The following RNF144B variants were observed in gnomAD, a reference collection of about 807,000 sequenced individuals.
RNF144B encodes E3 ubiquitin-protein ligase RNF144B.
RNF144B carries 25 observed loss-of-function variants against 40.2 expected under a neutral mutation model. That is an observed-to-expected ratio of 0.62 (90% CI 0.45 to 0.87). The LOEUF is 0.87. Ranked by LOEUF, RNF144B falls within the 40% of genes least tolerant of loss-of-function variation. The pLI is 0.00. For missense variants in RNF144B, 365 were observed against 373.7 expected (o/e 0.98, Z 0.19); for synonymous variants, 145 against 136.3 (o/e 1.06, Z -0.44).
At chr6:18,437,004 G>A (rs931527474) in intron 3 of RNF144B, among the ~76,000 whole-genome samples, 1 of 150,804 alleles carries the variant, frequency 6.6e-6, no homozygotes, top group Non-Finnish European at 1.5e-5. Context: ...AACATCAAGG[G>A]GTAGATCTTT....
intron 2 of RNF144B, among the ~76,000 whole-genome samples, chr6:18,409,221 T>TA (rs1270087653): frequency 6.6e-6 from 1 of 151,408 alleles, no homozygotes; most frequent in East Asian, 2.0e-4. Context: ...TTACTGAAAA[T>TA]ACAAAAATTT....
chr6:18,408,582 C>T (rs1325052191), intron 2 of RNF144B, among the ~76,000 whole-genome samples: 1 of 152,122 alleles, frequency 6.6e-6, no homozygotes, highest in Non-Finnish European at 1.5e-5. Flanking sequence ...CCTCCATTTC[C>T]CAGGGACTGG....
chr6:18,408,938 GTTTTTTT>G (rs3078245), intron 2 of RNF144B, among the ~76,000 whole-genome samples: 67 of 143,982 alleles, frequency 4.7e-4, no homozygotes, highest in East Asian at 1.4e-3. Context: ...CCAGAAAAGT[GTTTTTTT>G]TTTTTTTTTT....
chr6:18,409,927 C>T (rs1209908501), intron 2 of RNF144B, among the ~76,000 whole-genome samples: 2 of 152,044 alleles, frequency 1.3e-5, no homozygotes, highest in East Asian at 1.9e-4. Context: ...GCTTGGTATT[C>T]GGGTAAGGGG....
At chr6:18,449,823 A>T (rs1204941022) in intron 4 of RNF144B, among the ~76,000 whole-genome samples, 1 of 152,168 alleles carries the variant, frequency 6.6e-6, no homozygotes, top group African/African-American at 2.4e-5. Flanking sequence ...CAAGAATGTA[A>T]TATATTAAGT....
At chr6:18,403,261 A>G (rs1794828543) in intron 2 of RNF144B, among the ~76,000 whole-genome samples, 1 of 152,228 alleles carries the variant, frequency 6.6e-6, no homozygotes, top group South Asian at 2.1e-4. Context: ...GAAATTTGTG[A>G]GTTTGCTCCC....
At position 18,456,671 on chromosome 6, in the gene RNF144B, G is replaced by A. The variant is rs745917148; in HGVS notation, c.332-484G>A. 2.0e-5 allele frequency among the ~76,000 whole-genome samples: 3 copies of A among 152,308 alleles called. No homozygotes were observed. The highest frequency in any genetic ancestry group is 1.9e-4 in the East Asian group (1 of 5,182). ...TTTGAGAAATGTGGCAGGGCTTAGC[G>A]ACCTTGTAAATGATAGGTTTGGATC... On this transcript the variant is annotated intron_variant, in intron 4 of 7. Transcript: ENST00000259939. The surrounding 1 kb of genome is among the most constrained non-coding windows in gnomAD (Gnocchi z 4.7).
At chr6:18,387,883 A>G (rs947279684) in intron 1 of RNF144B, among the ~76,000 whole-genome samples, 1 of 152,320 alleles carries the variant, frequency 6.6e-6, no homozygotes, top group Non-Finnish European at 1.5e-5. Flanking sequence ...AATGTATTGT[A>G]GAATCCGAGA....
Position 18,443,918 on chromosome 6 carries a change from C to T in RNF144B, c.331+4174C>T, listed in dbSNP as rs1759020023. On this transcript the variant is annotated intron_variant, in intron 4 of 7. Coordinates refer to ENST00000259939, the MANE Select transcript of RNF144B (RefSeq NM_182757.4). The surrounding 1 kb of genome is among the most constrained non-coding windows in gnomAD (Gnocchi z 4.7). Reference sequence around the variant, plus strand: ...AATGACTAACCAACTGAAAGAAAATCTCATTGGCTGGACTGTGAGACAGAA... The same window carrying T: ...AATGACTAACCAACTGAAAGAAAATTTCATTGGCTGGACTGTGAGACAGAA... Among the ~76,000 whole-genome samples, 1 of 152,156 alleles carries T rather than the reference C, an allele frequency of 6.6e-6. No individual in the cohort carries two copies.
At chr6:18,451,397 T>G (rs1205029233) in intron 4 of RNF144B, among the ~76,000 whole-genome samples, 2 of 152,224 alleles carry the variant, frequency 1.3e-5, no homozygotes, top group African/African-American at 2.4e-5. Context: ...CCAAATTTAA[T>G]TGAAGTCGAG....
At position 18,418,850 on chromosome 6, in the gene RNF144B, A is replaced by G. The variant is rs1326682923; in HGVS notation, c.166-8731A>G. ...ATATATAATATACACTGACACCTGG[A>G]TCCTTCTCTTAGAGAGTCTGAATTA... On this transcript the variant is annotated intron_variant, in intron 2 of 7. Coordinates refer to ENST00000259939, the MANE Select transcript of RNF144B (RefSeq NM_182757.4). The surrounding 1 kb of genome is among the most constrained non-coding windows in gnomAD (Gnocchi z 5.2). Among the ~76,000 whole-genome samples the G allele has an allele frequency of 6.6e-6, 1 of 152,002 alleles. No homozygotes were observed. The highest frequency in any genetic ancestry group is 1.5e-5 in the Non-Finnish European group (1 of 68,002).
rs1759541645 is a variant in RNF144B, at chr6:18,464,809, C to T, written c.772-118C>T. The stretch of plus-strand genomic sequence containing the variant: ...TCACATCGGGGATTTAGGGTTTCAA[C>T]ATATGAGCTTCAGGGGGACACAAAC... On this transcript the variant is annotated intron_variant, in intron 7 of 7. Coordinates refer to ENST00000259939, the MANE Select transcript of RNF144B (RefSeq NM_182757.4). This position sits in a 1 kb window ranked among gnomAD's most constrained non-coding sequence, Gnocchi z 6.1. The T allele has an allele frequency of 2.0e-6, 2 of 976,354 alleles. No individual in the cohort carries two copies. Among genetic ancestry groups the T allele is most frequent in the African/African-American group, 1.6e-5 (1 of 61,672 alleles). The allele number at this position is 976,354 out of a possible 1,614,324, so 60.5% of individuals were successfully genotyped here.
In RNF144B at chr6:18,452,977, G is replaced by C. The variant is rs1457028790; in HGVS notation, c.332-4178G>C. Among the ~76,000 whole-genome samples the C allele has an allele frequency of 3.3e-5, 5 of 151,980 alleles. No homozygotes were observed. The East Asian group carries it at 9.7e-4, about 29-fold the overall frequency. On this transcript the variant is annotated intron_variant, in intron 4 of 7. Transcript: ENST00000259939. ...TTTTTTGTTGTTGTTGTGGAGATGA[G>C]ATTTCACCACTGTTGGCCAGGCTGG...
chr6:18,407,752 G>A (rs559267268), intron 2 of RNF144B, among the ~76,000 whole-genome samples: 3 of 151,932 alleles, frequency 2.0e-5, no homozygotes, highest in Non-Finnish European at 4.4e-5. Context: ...TTTGAATGAA[G>A]GTTATCTTTT....
intron 4 of RNF144B, among the ~76,000 whole-genome samples, chr6:18,451,944 C>A (rs997177065): frequency 1.3e-5 from 2 of 152,094 alleles, no homozygotes; most frequent in African/African-American, 4.8e-5. Context: ...CGATGACTTT[C>A]GAAATTTGAG....
intron 4 of RNF144B, among the ~76,000 whole-genome samples, chr6:18,451,142 A>G (rs1246490643): frequency 6.6e-6 from 1 of 152,086 alleles, no homozygotes; most frequent in Non-Finnish European, 1.5e-5. Flanking sequence ...ACTGTCATTT[A>G]TTTGCATTGC....
rs1323459851 is a variant in RNF144B, at chr6:18,416,640, A to C, written c.166-10941A>C. ...CTTTTCCAGAAAATGTAACGGCACT[A>C]TTTTGGGCTAAAGTATTTAAAGGCT... On this transcript the variant is annotated intron_variant, in intron 2 of 7. Transcript: ENST00000259939. The surrounding 1 kb of genome is among the most constrained non-coding windows in gnomAD (Gnocchi z 5.5). Among the ~76,000 whole-genome samples the C allele has an allele frequency of 6.6e-6, 1 of 152,190 alleles. No individual in the cohort carries two copies. Among genetic ancestry groups the C allele is most frequent in the Non-Finnish European group, 1.5e-5 (1 of 68,036 alleles).
chr6:18,461,496 C>A (rs1759454499), intron 6 of RNF144B, among the ~76,000 whole-genome samples: 1 of 152,102 alleles, frequency 6.6e-6, no homozygotes, highest in Non-Finnish European at 1.5e-5. Flanking sequence ...CTTTAGGAGG[C>A]CAGAGTGTAA....
At chr6:18,397,715 T>C (rs946044988) in intron 1 of RNF144B, among the ~76,000 whole-genome samples, 3 of 152,092 alleles carry the variant, frequency 2.0e-5, no homozygotes, top group African/African-American at 7.2e-5. Context: ...CAACTCTCTT[T>C]TCCTCTTTCT....
Sources: gnomAD v4.1 joint callset for allele counts (sites outside exome capture counted in the v4.1 genomes callset) on GRCh38, gnomAD v4.1.1 for gene constraint, Gnocchi (gnomAD v3.1) non-coding constraint, MANE v1.5 for transcripts, NCBI Gene and HGNC (gene_info 2026-07-23, HGNC 2026-07-21) for gene names.